Variants in ADCY9 observed in about 807,000 individuals in gnomAD.
ADCY9 encodes the protein adenylate cyclase type 9.
ADCY9 carries 50 observed loss-of-function variants against 101.5 expected under a neutral mutation model. The observed-to-expected ratio is 0.49, with a 90% CI of 0.39 to 0.62. The LOEUF is 0.62. Ranked by LOEUF, ADCY9 falls within the 20% of genes least tolerant of loss-of-function variation. The pLI is 0.00. For missense variants in ADCY9, 1,662 were observed against 1,800.4 expected (o/e 0.92, Z 1.39); for synonymous variants, 905 against 769.3 (o/e 1.18, Z -2.92).
chr16:3,965,839 C>T lies in ADCY9; in HGVS notation c.3998G>A (p.Cys1333Tyr), dbSNP rs2055986697. ...GGCTTCTTCTATTCCTGTTTCGTCA[C>T]AGTCGTCTTTCTCTATGGCTTTGCC... The part of the protein sequence containing the change: ...RFGKAIEKDD[C>Y]DETGIEEANE... Residue 1333 changes from cysteine to tyrosine, a missense_variant, in exon 11 of 11, where the codon TGT (cysteine) becomes TAT (tyrosine). This residue lies in a region of ADCY9 where 168 missense variants were observed against 155.3 expected (regional missense o/e 1.08). Coordinates refer to ENST00000294016, the MANE Select transcript of ADCY9 (RefSeq NM_001116.4). 6.2e-7 allele frequency: 1 copy of T among 1,614,066 alleles called. No homozygotes were observed. Among genetic ancestry groups the T allele is most frequent in the South Asian group, 1.1e-5 (1 of 91,090 alleles).
At chr16:4,110,315 G>A (rs8046166) in intron 2 of ADCY9, among the ~76,000 whole-genome samples, 19,036 of 151,850 alleles carry the variant, frequency 0.13, 1,734 homozygotes, top group East Asian at 0.42. Flanking sequence ...CTGCAGAGCT[G>A]GGCTTTCCCA....
At chr16:3,954,321 G>A (rs2055896390) in intron 5 of ADCY9, among the ~76,000 whole-genome samples, 1 of 152,176 alleles carries the variant, frequency 6.6e-6, no homozygotes, top group Non-Finnish European at 1.5e-5. Flanking sequence ...CTCTGTCCCT[G>A]CCCTCCCCTA....
chr16:3,955,715 A>T (rs1555504533), intron 5 of ADCY9, among the ~76,000 whole-genome samples: 1 of 151,770 alleles, frequency 6.6e-6, no homozygotes, highest in Non-Finnish European at 1.5e-5. Flanking sequence ...CGCCCAGCTA[A>T]TTTTTTTGTA....
At position 3,979,186 on chromosome 16, in the gene ADCY9, G is replaced by C; in HGVS notation, c.2609C>G (p.Ala870Gly). The stretch of plus-strand genomic sequence containing the variant: ...CAGTGCGGGAAGCGACACCAGGATG[G>C]CCCCGATGCAGTGACGTGGTAGCCA... ...AGWLPRHCIG[A>G]ILVSLPALAV... is the part of the protein sequence containing the mutation. Residue 870 changes from alanine (A) to glycine (G), a missense_variant, in exon 8 of 11, where the codon GCC (alanine) becomes GGC (glycine). Physicochemically the swap from Ala to Gly is moderately conservative, Grantham distance 60 (BLOSUM62 0). Coordinates refer to ENST00000294016, the MANE Select transcript of ADCY9 (RefSeq NM_001116.4). The C allele has an allele frequency of 6.2e-7, 1 of 1,614,124 alleles. No homozygotes were observed. The highest frequency in any genetic ancestry group is 8.5e-7 in the Non-Finnish European group (1 of 1,180,034).
intron 2 of ADCY9, among the ~76,000 whole-genome samples, chr16:4,075,716 A>C (rs1015908373): frequency 2.6e-5 from 4 of 152,178 alleles, no homozygotes; most frequent in African/African-American, 9.7e-5. Context: ...AGGTAAAAAG[A>C]GACCTGGCAA....
intron 2 of ADCY9, among the ~76,000 whole-genome samples, chr16:4,054,849 G>C (rs2056726599): frequency 6.6e-6 from 1 of 152,110 alleles, no homozygotes; most frequent in Admixed American, 6.6e-5. Context: ...TTACAGGTGT[G>C]AGCCACTGTG....
In ADCY9 at chr16:4,104,174, C is replaced by T. The variant is rs138663587; in HGVS notation, c.1693+9576G>A. Reference sequence around the variant, plus strand: ...GGAAAATAACTGACAGTATTTGCCGCCAATGATAAAAAATTCCAGTTTTCA... The same window carrying T: ...GGAAAATAACTGACAGTATTTGCCGTCAATGATAAAAAATTCCAGTTTTCA... On this transcript the variant is annotated intron_variant, in intron 2 of 10. Transcript: ENST00000294016. 3.3e-4 allele frequency among the ~76,000 whole-genome samples: 50 copies of T among 152,248 alleles called. 2 individuals are homozygous for T. Among genetic ancestry groups the T allele is most frequent in the South Asian group, 2.5e-3 (12 of 4,822 alleles).
chr16:4,036,327 C>A (rs1371395050), intron 2 of ADCY9, among the ~76,000 whole-genome samples: 4 of 152,004 alleles, frequency 2.6e-5, no homozygotes, highest in African/African-American at 9.7e-5. Context: ...GTATTCAACA[C>A]CCCCTTTTTA....
intron 2 of ADCY9, among the ~76,000 whole-genome samples, chr16:4,058,917 G>C (rs2056757600): frequency 6.6e-6 from 1 of 152,070 alleles, no homozygotes. Flanking sequence ...TTTGGTAAGA[G>C]GATATAATCA....
At position 4,115,214 on chromosome 16, in the gene ADCY9, T is replaced by G; in HGVS notation, c.229A>C (p.Lys77Gln). ...CTCTCGAACAGCTGGGGCAGCTTCT[T>G]CTGCCTGCGCAGCCGGCCTCCGCCG... The part of the protein sequence containing the change: ...VGGGGRLRRQ[K>Q]KLPQLFERAS... Residue 77 changes from lysine to glutamine, a missense_variant, in exon 2 of 11, where the codon AAG becomes CAG. Lys to Gln is a moderately conservative substitution (Grantham distance 53). Around this residue, in one of 5 missense-constraint regions of ADCY9, gnomAD observed 422 missense variants for 392.0 expected, o/e 1.08. Transcript: ENST00000294016. The surrounding 1 kb of genome is among the most constrained non-coding windows in gnomAD (Gnocchi z 6.2). 2 of 1,613,398 alleles carry G rather than the reference T, an allele frequency of 1.2e-6. No homozygotes were observed. The highest frequency in any genetic ancestry group is 1.7e-4 in the Middle Eastern group (1 of 6,060).
intron 10 of ADCY9, among the ~76,000 whole-genome samples, chr16:3,968,520 G>A (rs1261223772): frequency 6.6e-6 from 1 of 152,160 alleles, no homozygotes; most frequent in African/African-American, 2.4e-5. Flanking sequence ...AAAAAAGTTT[G>A]ACAAGACGCC....
chr16:4,048,131 T>A (rs1197410545), intron 2 of ADCY9, among the ~76,000 whole-genome samples: 1 of 150,972 alleles, frequency 6.6e-6, no homozygotes, highest in African/African-American at 2.4e-5. Context: ...CCCTGTCATT[T>A]TTGGGGGAGG....
At chr16:4,013,737 T>C (rs887317967) in intron 2 of ADCY9, among the ~76,000 whole-genome samples, 3 of 152,188 alleles carry the variant, frequency 2.0e-5, no homozygotes, top group African/African-American at 7.2e-5. Context: ...AAAATAAAGA[T>C]AAAAATACTC....
chr16:4,019,993 A>G (rs1344026504), intron 2 of ADCY9, among the ~76,000 whole-genome samples: 1 of 152,132 alleles, frequency 6.6e-6, no homozygotes, highest in East Asian at 1.9e-4. Flanking sequence ...CATAAGAATC[A>G]CTTGAACCCA....
At chr16:4,021,539 C>A (rs2056476801) in intron 2 of ADCY9, among the ~76,000 whole-genome samples, 1 of 152,214 alleles carries the variant, frequency 6.6e-6, no homozygotes, top group African/African-American at 2.4e-5. Context: ...ACTGTAGATA[C>A]ACGAGCTCCG....
intron 2 of ADCY9, among the ~76,000 whole-genome samples, chr16:4,018,965 G>GTGTGTGTGTGTGTGTGTGTGTA: frequency 6.6e-6 from 1 of 151,070 alleles, no homozygotes; most frequent in Non-Finnish European, 1.5e-5. Context: ...GTGTGTGTGT[G>GTGTGTGTGTGTGTGTGTGTGTA]TGTGTTTTGT....
intron 2 of ADCY9, among the ~76,000 whole-genome samples, chr16:4,107,233 C>T (rs989745349): frequency 2.0e-5 from 3 of 152,118 alleles, no homozygotes; most frequent in Non-Finnish European, 2.9e-5. Context: ...TGTATTTCCA[C>T]GTGCATAACA....
intron 5 of ADCY9, among the ~76,000 whole-genome samples, chr16:3,957,043 G>T (rs979394465): frequency 6.6e-6 from 1 of 152,072 alleles, no homozygotes; most frequent in African/African-American, 2.4e-5. Context: ...ATTTTTCCTC[G>T]TGGTCACTTT....
chr16:4,036,471 T>TTG (rs2056590954), intron 2 of ADCY9, among the ~76,000 whole-genome samples: 3 of 139,260 alleles, frequency 2.2e-5, no homozygotes, highest in African/African-American at 7.7e-5. Context: ...TGTTTTTTTT[T>TTG]TTTTTTTTTT....
Sources: gnomAD v4.1 joint callset for allele counts (sites outside exome capture counted in the v4.1 genomes callset) on GRCh38, gnomAD v4.1.1 for gene constraint, gnomAD v4.1.1 regional missense constraint, Gnocchi (gnomAD v3.1) non-coding constraint, MANE v1.5 for transcripts, NCBI Gene and HGNC (gene_info 2026-07-23, HGNC 2026-07-21) for gene names.